NRP2: variants seen among roughly 807,000 people sequenced by gnomAD.
The protein encoded by NRP2 is neuropilin 2.
A neutral mutation model predicts 110.4 loss-of-function variants in NRP2; 52 were observed. The ratio of observed to expected loss-of-function variants is 0.47; its 90% CI spans 0.38 to 0.59. The LOEUF is 0.59. Among genes scored for constraint, NRP2 ranks in the 20% least tolerant of loss-of-function variants. The pLI is 0.00. For synonymous variants in NRP2, 508 were observed against 468.9 expected (o/e 1.08, Z -1.08); for missense variants, 1,049 against 1,203.0 (o/e 0.87, Z 1.89).
intron 15 of NRP2, chr2:205,776,398 C>A (rs766883221): frequency 5.6e-6 from 9 of 1,613,430 alleles, no homozygotes; most frequent in Admixed American, 1.7e-5. Context: ...CCACCGGTTC[C>A]GCTATGCGGC....
intron 6 of NRP2, 105 bp downstream of exon 6, chr2:205,726,187 A>T (rs1380795896): frequency 8.9e-7 from 1 of 1,128,078 alleles, no homozygotes. Context: ...AAATAAACAC[A>T]GCATACCTGA....
rs1247843217 is a variant in NRP2 at position 205,748,962 on chromosome 2, C to G, written c.1787-763C>G. On this transcript the variant is annotated intron_variant, in intron 10 of 16. Transcript: ENST00000357785. ...AGCCAGGTTTGGCCTAGCCAGGGTT[C>G]ATTGTGTGCTACTTAGTATAACATT... Among the ~76,000 whole-genome samples the G allele has an allele frequency of 2.0e-5, 3 of 152,222 alleles. No homozygotes were observed. The East Asian group carries it at 5.8e-4, about 29-fold the overall frequency.
intron 13 of NRP2, chr2:205,764,287 G>A (rs976377587): frequency 6.7e-6 from 2 of 299,668 alleles, no homozygotes; most frequent in African/African-American, 2.2e-5. Flanking sequence ...GGCCTGTGGA[G>A]CCCCTTCAGA....
chr2:205,753,677 A>G (rs2057688851), intron 12 of NRP2, among the ~76,000 whole-genome samples: 1 of 152,238 alleles, frequency 6.6e-6, no homozygotes, highest in African/African-American at 2.4e-5. Context: ...ACGTGCTTTC[A>G]CAGCAGTATG....
At chr2:205,697,408 T>C (rs2056455505) in intron 1 of NRP2, 136 bp from the exon 2 acceptor site, 6 of 839,556 alleles carry the variant, frequency 7.1e-6, no homozygotes, top group Non-Finnish European at 1.0e-5. Context: ...AGTAAGTAGG[T>C]TAGTCTTCTG....
In NRP2 at chr2:205,697,551, G is replaced by A. The variant is rs766763562; in HGVS notation, c.81G>A (p.Pro27=). Residue 27 remains proline, a synonymous_variant, in exon 2 of 17, where the codon CCG becomes CCA. Transcript: ENST00000357785. ...RHQVRGQPDP[P]CGGRLNSKDA... ...CGTTGATTTCTCTTTCAGACCCACCGTGCGGAGGTCGTTTGAATTCCAAAG... is the reference window on the plus strand; with the variant it reads ...CGTTGATTTCTCTTTCAGACCCACCATGCGGAGGTCGTTTGAATTCCAAAG... 4.0e-5 allele frequency: 64 copies of A among 1,613,760 alleles called. No individual in the cohort carries two copies. Among genetic ancestry groups the A allele is most frequent in the East Asian group, 6.7e-5 (3 of 44,888 alleles).
chr2:205,773,080 T>C (rs994638482), intron 15 of NRP2, among the ~76,000 whole-genome samples: 1 of 152,338 alleles, frequency 6.6e-6, no homozygotes, highest in East Asian at 1.9e-4. Flanking sequence ...GGAAGGTGCT[T>C]TGGGTATGGA....
At chr2:205,755,672 G>A (rs1488140697) in intron 12 of NRP2, among the ~76,000 whole-genome samples, 3 of 152,082 alleles carry the variant, frequency 2.0e-5, no homozygotes, top group African/African-American at 7.2e-5. Context: ...AGCTGGCTTG[G>A]TTGGGGGCAG....
intron 8 of NRP2, among the ~76,000 whole-genome samples, chr2:205,742,201 A>G (rs2057454790): frequency 6.6e-6 from 1 of 152,242 alleles, no homozygotes; most frequent in Non-Finnish European, 1.5e-5. Flanking sequence ...GTTTGCAAGT[A>G]TGAAATGCAC....
chr2:205,790,983 G>C (rs571197592), intron 15 of NRP2, among the ~76,000 whole-genome samples: 2 of 152,350 alleles, frequency 1.3e-5, no homozygotes, highest in East Asian at 3.9e-4. Context: ...AGGGGGATGA[G>C]AATGTGCTTT....
chr2:205,772,556 G>A (rs570870353), intron 15 of NRP2, among the ~76,000 whole-genome samples: 152 of 152,292 alleles, frequency 1.0e-3, no homozygotes, highest in South Asian at 2.1e-3. Flanking sequence ...TAGAGAATCT[G>A]GGGTGGGAAT....
At position 205,763,531 on chromosome 2, in the gene NRP2, C is replaced by G. The variant is rs917409714; in HGVS notation, c.2045-143C>G. ...CTCTGAAGGAGCCTTAAGAAAGGGT[C>G]ACAGAGCCTGGAGAACAAGGACATG... is the stretch of plus-strand genomic sequence containing the variant. On this transcript the variant is annotated intron_variant, in intron 12 of 16. Transcript: ENST00000357785. The surrounding 1 kb of genome is among the most constrained non-coding windows in gnomAD (Gnocchi z 4.0). 10 of 1,098,608 alleles carry G rather than the reference C, an allele frequency of 9.1e-6. No individual in the cohort carries two copies. The African/African-American group carries it at 9.2e-5, about 10-fold the overall frequency. 68.1% of individuals were successfully genotyped at this position (1,098,608 alleles called of 1,614,324 possible). A position where few individuals can be genotyped will look rare whatever the true frequency, so the allele number is the denominator to read the frequency against.
chr2:205,749,065 G>T (rs544450222), intron 10 of NRP2, among the ~76,000 whole-genome samples: 57 of 152,272 alleles, frequency 3.7e-4, no homozygotes, highest in African/African-American at 1.3e-3. Flanking sequence ...AAGGAAAGGG[G>T]GAAAGATTTG....
chr2:205,769,091 T>G (rs2057975047), intron 15 of NRP2, among the ~76,000 whole-genome samples: 1 of 152,120 alleles, frequency 6.6e-6, no homozygotes, highest in South Asian at 2.1e-4. Flanking sequence ...CCTCTTATGG[T>G]CAGGACAGCA....
At chr2:205,749,907 T>C in intron 11 of NRP2, 66 bp downstream of exon 11, 9 of 1,293,020 alleles carry the variant, frequency 7.0e-6, no homozygotes, top group Non-Finnish European at 1.0e-5. Context: ...GGCCTGTGGC[T>C]GGACAGGGAC....
rs552024810 is a variant in NRP2, at chr2:205,734,405, C to G, written c.1147-6114C>G. ...CTTCATATCATTTCCCACCGCCCCC[C>G]CCCACCCCGCATCGCAACAGTTCCC... is the stretch of plus-strand genomic sequence containing the variant. On this transcript the variant is annotated intron_variant, in intron 7 of 16. Transcript: ENST00000357785. Among the ~76,000 whole-genome samples, 44 of 149,128 alleles carry G rather than the reference C, an allele frequency of 3.0e-4. No individual in the cohort carries two copies. In the East Asian group the frequency reaches 6.8e-3, roughly 23 times the overall value.
At chr2:205,776,963 T>C in intron 15 of NRP2, 1 of 1,115,690 alleles carries the variant, frequency 9.0e-7, no homozygotes, top group Non-Finnish European at 1.1e-6. Context: ...TGTGTGTGAA[T>C]AGCTCTCTGT....
rs559310021 is a variant in NRP2, at chr2:205,733,438, T to C, written c.1146+5392T>C. Among the ~76,000 whole-genome samples, 415 of 152,210 alleles carry C rather than the reference T, an allele frequency of 2.7e-3. 3 individuals are homozygous for C. Among genetic ancestry groups the C allele is most frequent in the South Asian group, 6.9e-3 (33 of 4,816 alleles). On this transcript the variant is annotated intron_variant, in intron 7 of 16. Transcript: ENST00000357785. ...TGTTCCTTGCCCCAACCCCAACTAATGTAGATGAGCACTGGAGTGAAGCCC... is the reference window on the plus strand; with the variant it reads ...TGTTCCTTGCCCCAACCCCAACTAACGTAGATGAGCACTGGAGTGAAGCCC...
Position 205,795,245 on chromosome 2 carries a change from T to TA in NRP2, c.*187_*188insA. On this transcript the variant is annotated 3_prime_UTR_variant, in exon 17 of 17. Transcript: ENST00000357785. ...GGAGATGCAGCCGCACAGGGGATGATTACCCTCCTAGGACCGCGGTGGCTA... is the reference window on the plus strand; with the variant it reads ...GGAGATGCAGCCGCACAGGGGATGATATACCCTCCTAGGACCGCGGTGGCTA... The TA allele has an allele frequency of 1.5e-6, 1 of 679,368 alleles. No homozygotes were observed. The highest frequency in any genetic ancestry group is 2.2e-5 in the Admixed American group (1 of 46,388). 42.1% of individuals were successfully genotyped at this position (679,368 alleles called of 1,614,324 possible). A position where few individuals can be genotyped will look rare whatever the true frequency, so the allele number is the denominator to read the frequency against.
Sources: allele counts gnomAD v4.1 joint callset (sites outside exome capture counted in the v4.1 genomes callset), GRCh38; gene constraint gnomAD v4.1.1; non-coding constraint Gnocchi (gnomAD v3.1); transcripts MANE v1.5; gene names NCBI Gene and HGNC (gene_info 2026-07-23, HGNC 2026-07-21).